Variants in SLC8A1 observed in about 807,000 individuals in gnomAD.
The protein encoded by SLC8A1 is solute carrier family 8 member A1, also known as sodium/calcium exchanger 1.
Under a neutral mutation model 68.3 loss-of-function variants are expected in SLC8A1, and 18 were observed. The observed-to-expected ratio is 0.26, with a 90% CI of 0.18 to 0.39. The LOEUF (loss-of-function observed/expected upper bound fraction) is 0.39. Among genes scored for constraint, SLC8A1 ranks in the 10% least tolerant of loss-of-function variants. The pLI is 1.00. For synonymous variants in SLC8A1, 475 were observed against 415.5 expected (o/e 1.14, Z -1.74); for missense variants, 985 against 1,156.7 (o/e 0.85, Z 2.15).
intron 2 of SLC8A1, among the ~76,000 whole-genome samples, chr2:40,327,957 GA>G (rs5830622): frequency 1.0e-4 from 15 of 149,728 alleles, no homozygotes; most frequent in South Asian, 6.3e-4. Flanking sequence ...AAATAAAACT[GA>G]AAAAAAAATA....
chr2:40,155,122 AATTATTATTATT>A (rs71404279), intron 6 of SLC8A1, among the ~76,000 whole-genome samples: 1 of 151,486 alleles, frequency 6.6e-6, no homozygotes. Flanking sequence ...GACACAGCAG[AATTATTATTATT>A]ATTATTATTT....
chr2:40,398,268 G>A (rs552307518), intron 2 of SLC8A1, among the ~76,000 whole-genome samples: 4 of 152,016 alleles, frequency 2.6e-5, no homozygotes, highest in Non-Finnish European at 5.9e-5. Flanking sequence ...CTCCAGTTTG[G>A]CTGGCTTTTT....
At chr2:40,431,586 G>C (rs1698311331) in intron 1 of SLC8A1, among the ~76,000 whole-genome samples, 6 of 152,142 alleles carry the variant, frequency 3.9e-5, no homozygotes, top group Admixed American at 3.9e-4. Context: ...AACTGAAGTA[G>C]AGGAAGGTCT....
chr2:40,465,387 A>G (rs1406254381), intron 1 of SLC8A1, among the ~76,000 whole-genome samples: 1 of 152,156 alleles, frequency 6.6e-6, no homozygotes, highest in Non-Finnish European at 1.5e-5. Flanking sequence ...GTGTATATTG[A>G]AGAAAAAGTG....
At chr2:40,484,844 A>G (rs1704852913) in intron 1 of SLC8A1, among the ~76,000 whole-genome samples, 1 of 152,236 alleles carries the variant, frequency 6.6e-6, no homozygotes, top group South Asian at 2.1e-4. Context: ...CATGAGGGTC[A>G]CTTGATGTGT....
At chr2:40,152,845 C>T (rs1446831614) in intron 6 of SLC8A1, among the ~76,000 whole-genome samples, 1 of 151,890 alleles carries the variant, frequency 6.6e-6, no homozygotes, top group Non-Finnish European at 1.5e-5. Flanking sequence ...GCCTGTAGTC[C>T]CAGCTACTCA....
chr2:40,491,488 C>A (rs1429771243), intron 1 of SLC8A1, among the ~76,000 whole-genome samples: 2 of 152,068 alleles, frequency 1.3e-5, no homozygotes, highest in African/African-American at 4.8e-5. Flanking sequence ...CCTTCTCCTG[C>A]CTAATTGCCC....
intron 1 of SLC8A1, among the ~76,000 whole-genome samples, chr2:40,468,569 AT>A (rs1703825801): frequency 6.6e-6 from 1 of 152,090 alleles, no homozygotes; most frequent in African/African-American, 2.4e-5. Context: ...TATTTTGTGT[AT>A]TCCCAGTGTG....
At chr2:40,122,735 C>T (rs545572668) in intron 7 of SLC8A1, among the ~76,000 whole-genome samples, 81 of 152,234 alleles carry the variant, frequency 5.3e-4, no homozygotes, top group African/African-American at 1.9e-3. Flanking sequence ...GACAATGATG[C>T]CTCCCTTAGA....
chr2:40,348,858 T>C (rs563053423), intron 2 of SLC8A1, among the ~76,000 whole-genome samples: 66 of 152,330 alleles, frequency 4.3e-4, no homozygotes, highest in African/African-American at 1.5e-3. Flanking sequence ...CCTCTTATGC[T>C]TTCATCTGTC....
At chr2:40,225,776 A>C (rs1437296255) in intron 2 of SLC8A1, among the ~76,000 whole-genome samples, 1 of 152,138 alleles carries the variant, frequency 6.6e-6, no homozygotes, top group Non-Finnish European at 1.5e-5. Context: ...CCTTTTGGTG[A>C]CACCACAACT....
At chr2:40,330,632 G>T (rs1470016975) in intron 2 of SLC8A1, among the ~76,000 whole-genome samples, 2 of 152,176 alleles carry the variant, frequency 1.3e-5, no homozygotes, top group Non-Finnish European at 2.9e-5. Flanking sequence ...AGAGGTAATT[G>T]TCTATATACA....
chr2:40,410,580 TTTAAAAATTA>T (rs1691806797), intron 2 of SLC8A1, among the ~76,000 whole-genome samples: 2 of 152,084 alleles, frequency 1.3e-5, no homozygotes, highest in African/African-American at 4.8e-5. Context: ...TCTTTTATTT[TTTAAAAATTA>T]GAAAAAATGT....
intron 3 of SLC8A1, among the ~76,000 whole-genome samples, chr2:40,177,315 C>T (rs1022679710): frequency 2.6e-5 from 4 of 152,180 alleles, no homozygotes; most frequent in African/African-American, 9.7e-5. Flanking sequence ...CCATTAGGGT[C>T]ATCTACTAAT....
At chr2:40,486,952 A>G (rs1705008834) in intron 1 of SLC8A1, among the ~76,000 whole-genome samples, 1 of 146,026 alleles carries the variant, frequency 6.8e-6, no homozygotes. Context: ...CAGAAAATCA[A>G]ACACTGCATG....
At chr2:40,476,149 G>T (rs1559757114) in intron 1 of SLC8A1, among the ~76,000 whole-genome samples, 1 of 152,118 alleles carries the variant, frequency 6.6e-6, no homozygotes, top group Non-Finnish European at 1.5e-5. Context: ...GTCTATTACA[G>T]AACTGTGACT....
intron 2 of SLC8A1, among the ~76,000 whole-genome samples, chr2:40,252,804 A>AAAATT: frequency 1.3e-5 from 2 of 148,742 alleles, no homozygotes; most frequent in African/African-American, 5.0e-5. Flanking sequence ...GTGTGTATAT[A>AAAATT]TGTACATATA....
At chr2:40,223,308 T>A (rs545488491) in intron 2 of SLC8A1, among the ~76,000 whole-genome samples, 4 of 151,676 alleles carry the variant, frequency 2.6e-5, no homozygotes, top group Non-Finnish European at 4.4e-5. Flanking sequence ...TAAGTGGGAG[T>A]TGAACAATGA....
chr2:40,118,113 C>T (rs2035894269), intron 7 of SLC8A1, among the ~76,000 whole-genome samples: 1 of 152,196 alleles, frequency 6.6e-6, no homozygotes, highest in Non-Finnish European at 1.5e-5. Flanking sequence ...TTCTCATTCA[C>T]CCCTCTCACA....
Sources: allele counts gnomAD v4.1 joint callset (sites outside exome capture counted in the v4.1 genomes callset), GRCh38; gene constraint gnomAD v4.1.1; transcripts MANE v1.5; gene names NCBI Gene and HGNC (gene_info 2026-07-23, HGNC 2026-07-21).